The following POLE variants were observed in gnomAD, a reference collection of about 807,000 sequenced individuals.
POLE encodes the protein DNA polymerase epsilon catalytic subunit A.
In POLE, 188 loss-of-function variants were observed where a neutral mutation model predicts 279.2. That is an observed-to-expected ratio of 0.67 (90% confidence interval 0.60 to 0.76). The LOEUF (loss-of-function observed/expected upper bound fraction) is 0.76, where lower values mean the gene tolerates loss of function less well. Among genes scored for constraint, POLE ranks in the 30% least tolerant of loss-of-function variants. The pLI is 0.00. For missense variants in POLE, 2,703 were observed against 3,016.7 expected (o/e 0.90, Z 2.44); for synonymous variants, 1,214 against 1,172.5 (o/e 1.04, Z -0.72).
Position 132,661,499 on chromosome 12 carries a change from TA to T in POLE, c.2864+27del. ...AATCTATCTCAATCCATGTCCTTTCTAAAGCACAAAAGCTATGAGAGTCCCA... is the reference window on the plus strand; with the variant it reads ...AATCTATCTCAATCCATGTCCTTTCTAAGCACAAAAGCTATGAGAGTCCCA... On this transcript the variant is annotated intron_variant, in intron 24 of 48. Coordinates refer to ENST00000320574, the MANE Select transcript of POLE (RefSeq NM_006231.4). The surrounding 1 kb of genome is among the most constrained non-coding windows in gnomAD (Gnocchi z 4.1). 6.2e-7 allele frequency: 1 copy of T among 1,611,684 alleles called. No individual in the cohort carries two copies. The highest frequency in any genetic ancestry group is 8.5e-7 in the Non-Finnish European group (1 of 1,178,560).
chr12:132,634,446 A>G lies in POLE; in HGVS notation c.5812-68T>C, dbSNP rs1250955884. On this transcript the variant is annotated intron_variant, in intron 42 of 48. Coordinates refer to ENST00000320574, the MANE Select transcript of POLE (RefSeq NM_006231.4). The surrounding 1 kb of genome is among the most constrained non-coding windows in gnomAD (Gnocchi z 4.0). ...GCCTGGTAGAGGGGTAGGATGCCACAGCGAAGGCTCCTCCAACCTGGGTCC... is the reference window on the plus strand; with the variant it reads ...GCCTGGTAGAGGGGTAGGATGCCACGGCGAAGGCTCCTCCAACCTGGGTCC... The G allele has an allele frequency of 4.0e-6, 6 of 1,485,724 alleles. No individual in the cohort carries two copies. Among genetic ancestry groups the G allele is most frequent in the Middle Eastern group, 4.0e-4 (2 of 5,050 alleles). The allele number at this position is 1,485,724 out of a possible 1,614,324, so 92.0% of individuals were successfully genotyped here.
rs2041954232 is a variant in POLE, at chr12:132,632,523, AT to A, written c.6137-16del. The A allele has an allele frequency of 6.8e-6, 11 of 1,613,270 alleles. No homozygotes were observed. The highest frequency in any genetic ancestry group is 9.3e-6 in the Non-Finnish European group (11 of 1,179,336). On this transcript the variant is annotated splice_polypyrimidine_tract_variant and intron_variant, in intron 44 of 48. Coordinates refer to ENST00000320574, the MANE Select transcript of POLE (RefSeq NM_006231.4). ...GGTGATCATTCCTGGAAGTATAAGGATGCTGAGGGAGGGGTCTGGGACCTGT... is the reference window on the plus strand; with the variant it reads ...GGTGATCATTCCTGGAAGTATAAGGAGCTGAGGGAGGGGTCTGGGACCTGT...
rs901110543 is a variant in POLE at position 132,638,978 on chromosome 12, G to A, written c.5552+147C>T. 7.1e-6 allele frequency: 5 copies of A among 707,026 alleles called. No homozygotes were observed. In the South Asian group the frequency reaches 7.3e-5, roughly 10 times the overall value. The allele number at this position is 707,026 out of a possible 1,614,324, so 43.8% of individuals were successfully genotyped here. On this transcript the variant is annotated intron_variant, in intron 40 of 48. Transcript: ENST00000320574. ...TGCAGCAGCAGCTGCGTGTTTCTCT[G>A]GGATCCTTTGGATTGTTATGCTCCA...
intron 32 of POLE, 97 bp from the exon 33 acceptor site, chr12:132,644,074 G>T (rs2138564485): frequency 7.3e-7 from 1 of 1,373,952 alleles, no homozygotes; most frequent in South Asian, 1.4e-5. Flanking sequence ...CTAGACTTCT[G>T]GTGCCCCTAG....
chr12:132,674,811 ATTCCCTTCCTTCCCTCCCTCCC>A (rs1304790669), intron 12 of POLE, among the ~76,000 whole-genome samples: 125 of 149,066 alleles, frequency 8.4e-4, no homozygotes, highest in East Asian at 7.2e-3. Context: ...AGGCCCCTCC[ATTCCCTTCCTTCCCTCCCTCCC>A]TTCCCTTCCT....
rs757051826 is a variant in POLE at position 132,665,308 on chromosome 12, C to A, written c.2462G>T (p.Arg821Leu). Residue 821 changes from arginine (R) to leucine (L), a missense_variant, in exon 21 of 49, where the codon CGC (arginine) becomes CTC (leucine). Around this residue, in one of 5 missense-constraint regions of POLE, gnomAD observed 1,011 missense variants for 1,111.7 expected, o/e 0.91. Transcript: ENST00000320574. ...CGGGCCCGGGCCCACCTACCCCTTG[C>A]GCATGACATAGCCATAGAAGGAGTT... Reference protein sequence around the residue: ...ILNSFYGYVMRKGARWYSMEM... With the variant: ...ILNSFYGYVMLKGARWYSMEM... 1 of 1,613,660 alleles carries A rather than the reference C, an allele frequency of 6.2e-7. No individual in the cohort carries two copies. Among genetic ancestry groups the A allele is most frequent in the Non-Finnish European group, 8.5e-7 (1 of 1,179,746 alleles).
chr12:132,625,264 G>C (rs756467900), intron 47 of POLE: 1 of 731,130 alleles, frequency 1.4e-6, no homozygotes, highest in Non-Finnish European at 2.5e-6. Context: ...CCTCCATCCT[G>C]CAGGCCTGAA....
Position 132,680,064 on chromosome 12 carries a change from G to GA in POLE, c.331-19dup, listed in dbSNP as rs1312205093. On this transcript the variant is annotated intron_variant, in intron 4 of 48. Transcript: ENST00000320574. ...TCACAACCCTAATCAGGATCAGAAT[G>GA]AAAAGGCTTTCCATTGGTAAAATAC... 6.2e-7 allele frequency: 1 copy of GA among 1,608,854 alleles called. No homozygotes were observed. The highest frequency in any genetic ancestry group is 1.3e-5 in the African/African-American group (1 of 74,800).
rs568909355 is a variant in POLE, at chr12:132,661,792, C to T, written c.2707-108G>A. On this transcript the variant is annotated intron_variant, in intron 23 of 48. Coordinates refer to ENST00000320574, the MANE Select transcript of POLE (RefSeq NM_006231.4). The surrounding 1 kb of genome is among the most constrained non-coding windows in gnomAD (Gnocchi z 4.1). ...ATGGATTGACAAACCGAGGCTTTTCCACATAACTAACACGACTTGGCAGCA... is the reference window on the plus strand; with the variant it reads ...ATGGATTGACAAACCGAGGCTTTTCTACATAACTAACACGACTTGGCAGCA... The T allele has an allele frequency of 7.8e-5, 87 of 1,113,724 alleles. 2 individuals carry two copies. In the South Asian group the frequency reaches 1.3e-3, roughly 16 times the overall value. 69.0% of individuals were successfully genotyped at this position (1,113,724 alleles called of 1,614,324 possible).
In POLE at chr12:132,632,417, G is replaced by A. The variant is rs1220578455; in HGVS notation, c.6228C>T (p.Gly2076=). 1.2e-6 allele frequency: 2 copies of A among 1,613,744 alleles called. No individual in the cohort carries two copies. Among genetic ancestry groups the A allele is most frequent in the South Asian group, 1.1e-5 (1 of 91,086 alleles). Residue 2076 remains glycine, a synonymous_variant, in exon 45 of 49, where the codon GGC becomes GGT. Coordinates refer to ENST00000320574, the MANE Select transcript of POLE (RefSeq NM_006231.4). ...CTGAGAGCTCAGTGGAGTTCCGAGA[G>A]CCTGTGACTTTCTTCTGAATCTTCT... The part of the protein sequence containing the change: ...ITQKIQKKVT[G]SRNSTELSEM...
At chr12:132,683,622 C>T (rs2043213027) in intron 1 of POLE, among the ~76,000 whole-genome samples, 1 of 152,216 alleles carries the variant, frequency 6.6e-6, no homozygotes, top group Non-Finnish European at 1.5e-5. Context: ...CCAAATCTTG[C>T]TAGAGAACAG....
At chr12:132,685,806 G>A (rs1404873667) in intron 1 of POLE, among the ~76,000 whole-genome samples, 1 of 152,158 alleles carries the variant, frequency 6.6e-6, no homozygotes, top group African/African-American at 2.4e-5. Flanking sequence ...TTACCACTTG[G>A]TTTCTCCTCT....
At chr12:132,632,612 AGTT>A in intron 44 of POLE, 49 bp downstream of exon 44, 2 of 1,612,302 alleles carry the variant, frequency 1.2e-6, no homozygotes, top group Non-Finnish European at 1.7e-6. Flanking sequence ...CACACAGAGG[AGTT>A]AGGTCACTGG....
At chr12:132,663,461 CCT>C (rs938384737) in intron 23 of POLE, among the ~76,000 whole-genome samples, 3 of 152,256 alleles carry the variant, frequency 2.0e-5, no homozygotes, top group African/African-American at 7.2e-5. Flanking sequence ...ACAGACAACC[CCT>C]GATCAAGGGA....
intron 1 of POLE, among the ~76,000 whole-genome samples, chr12:132,686,009 G>A (rs968038346): frequency 1.3e-5 from 2 of 151,806 alleles, no homozygotes; most frequent in African/African-American, 4.8e-5. Flanking sequence ...CTGCGTAGCT[G>A]GGATTACAGG....
In POLE at chr12:132,625,627, G is replaced by A; in HGVS notation, c.6657+18C>T. On this transcript the variant is annotated intron_variant, in intron 47 of 48. Transcript: ENST00000320574. ...TGTGGACTCCAGGGCACACGGGCAG[G>A]CGGCATGCACGACTCACCAGGTCCT... 6.2e-7 allele frequency: 1 copy of A among 1,612,400 alleles called. No individual in the cohort carries two copies. The highest frequency in any genetic ancestry group is 8.5e-7 in the Non-Finnish European group (1 of 1,179,808).
intron 7 of POLE, 21 bp downstream of exon 7, chr12:132,677,557 A>G (rs2136019683): frequency 1.2e-6 from 2 of 1,613,992 alleles, no homozygotes; most frequent in Non-Finnish European, 1.7e-6. Flanking sequence ...GTGAGCAGCG[A>G]CCCAACCCTG....
intron 9 of POLE, 27 bp downstream of exon 9, chr12:132,676,519 C>A (rs1226737595): frequency 6.9e-7 from 1 of 1,446,534 alleles, no homozygotes; most frequent in South Asian, 1.1e-5. Context: ...ATCCCAGGAG[C>A]TTACTTCCCA....
intron 45 of POLE, among the ~76,000 whole-genome samples, chr12:132,630,735 C>A (rs1032812404): frequency 1.3e-5 from 2 of 152,172 alleles, no homozygotes; most frequent in Admixed American, 1.3e-4. Flanking sequence ...AAAAGCTCCA[C>A]ATCATTAGTC....
Sources: gnomAD v4.1 joint callset for allele counts (sites outside exome capture counted in the v4.1 genomes callset) on GRCh38, gnomAD v4.1.1 for gene constraint, gnomAD v4.1.1 regional missense constraint, Gnocchi (gnomAD v3.1) non-coding constraint, MANE v1.5 for transcripts, NCBI Gene and HGNC (gene_info 2026-07-23, HGNC 2026-07-21) for gene names.